Variants in ANO4 observed in about 807,000 individuals in gnomAD.
The protein encoded by ANO4 is anoctamin 4.
A neutral mutation model predicts 141.9 loss-of-function variants in ANO4; 69 were observed. The observed-to-expected ratio is 0.49, with a 90% CI of 0.40 to 0.59. ANO4 has a LOEUF of 0.59. ANO4 is among the 20% of genes least tolerant of loss of function. The pLI is 0.00. For missense variants in ANO4, 894 were observed against 1,162.2 expected, an observed-to-expected ratio of 0.77 and a Z score of 3.36; for synonymous variants, 350 against 394.3, an observed-to-expected ratio of 0.89 and a Z score of 1.33.
At chr12:100,876,278 C>CAAAAAAAAAA (rs79799106) in intron 1 of ANO4, among the ~76,000 whole-genome samples, 1 of 91,954 alleles carries the variant, frequency 1.1e-5, no homozygotes, top group Non-Finnish European at 2.2e-5. Context: ...ATATAAAGAC[C>CAAAAAAAAAA]AAAAAAAAAA....
In ANO4 at chr12:101,037,161, G is replaced by A. The variant is rs1566158704; in HGVS notation, c.897+11G>A. 6.2e-7 allele frequency: 1 copy of A among 1,612,226 alleles called. No homozygotes were observed. The highest frequency in any genetic ancestry group is 1.1e-5 in the South Asian group (1 of 90,782). Reference sequence around the variant, plus strand: ...TTTCCCCTGCATGAGGTATTGTGCTGTCTTTAATCTTTATCTTTCTTTCAA... The same window carrying A: ...TTTCCCCTGCATGAGGTATTGTGCTATCTTTAATCTTTATCTTTCTTTCAA... On this transcript the variant is annotated intron_variant, in intron 10 of 27. Coordinates refer to ENST00000392977, the MANE Select transcript of ANO4 (RefSeq NM_001286615.2).
At chr12:101,007,195 A>C (rs756516130) in intron 8 of ANO4, among the ~76,000 whole-genome samples, 3 of 152,188 alleles carry the variant, frequency 2.0e-5, no homozygotes, top group Non-Finnish European at 4.4e-5. Flanking sequence ...TCTACTAAAA[A>C]TACAAAAATT....
At chr12:100,990,589 G>T (rs1490073536) in intron 8 of ANO4, among the ~76,000 whole-genome samples, 2 of 152,138 alleles carry the variant, frequency 1.3e-5, no homozygotes, top group African/African-American at 4.8e-5. Context: ...CTTCTTGCCA[G>T]GCACTGTCTG....
chr12:101,054,743 G>A (rs181695234), intron 14 of ANO4, among the ~76,000 whole-genome samples: 3 of 152,204 alleles, frequency 2.0e-5, no homozygotes, highest in South Asian at 4.2e-4. Context: ...CTTGTGATCC[G>A]CCCGCCTTGG....
intron 8 of ANO4, among the ~76,000 whole-genome samples, chr12:101,002,660 A>G (rs2045702038): frequency 6.6e-6 from 1 of 152,150 alleles, no homozygotes; most frequent in Non-Finnish European, 1.5e-5. Flanking sequence ...TTCTTTATGA[A>G]ACATCTTATG....
intron 3 of ANO4, among the ~76,000 whole-genome samples, chr12:100,787,461 A>T (rs780985227): frequency 1.3e-5 from 2 of 152,192 alleles, no homozygotes; most frequent in Non-Finnish European, 2.9e-5. Flanking sequence ...GAGAGCAGTC[A>T]TGGGGCTTGT....
At chr12:100,775,059 C>A (rs1379548141) in intron 3 of ANO4, among the ~76,000 whole-genome samples, 1 of 152,170 alleles carries the variant, frequency 6.6e-6, no homozygotes, top group East Asian at 1.9e-4. Context: ...AAGAGATACA[C>A]CATTCAAAGC....
chr12:100,754,272 T>G (rs1356260796), intron 3 of ANO4, among the ~76,000 whole-genome samples: 1 of 152,242 alleles, frequency 6.6e-6, no homozygotes, highest in African/African-American at 2.4e-5. Flanking sequence ...TCTTGCTCAT[T>G]CTACCTCACA....
chr12:100,738,784 A>C (rs2031721979), intron 2 of ANO4, among the ~76,000 whole-genome samples: 1 of 151,874 alleles, frequency 6.6e-6, no homozygotes, highest in South Asian at 2.1e-4. Flanking sequence ...ATCATATCAC[A>C]GTTACCTTTT....
intron 22 of ANO4, among the ~76,000 whole-genome samples, 193 bp downstream of exon 22, chr12:101,099,913 C>T (rs978956878): frequency 4.6e-5 from 7 of 152,158 alleles, no homozygotes; most frequent in East Asian, 3.8e-4. Flanking sequence ...GGAATCAAAC[C>T]GAAGCTATTT....
intron 1 of ANO4, among the ~76,000 whole-genome samples, chr12:100,850,260 C>A (rs1342699941): frequency 1.3e-5 from 2 of 152,126 alleles, no homozygotes; most frequent in Non-Finnish European, 2.9e-5. Flanking sequence ...TAGGAAGTAA[C>A]AGCAAAGTTG....
At position 101,048,288 on chromosome 12, in the gene ANO4, T is replaced by C. The variant is rs572558773; in HGVS notation, c.1252-53T>C. 70 of 1,569,662 alleles carry C rather than the reference T, an allele frequency of 4.5e-5. 1 individual carries two copies. The highest frequency in any genetic ancestry group is 3.0e-4 in the Admixed American group (17 of 57,542). On this transcript the variant is annotated intron_variant, in intron 13 of 27. Coordinates refer to ENST00000392977, the MANE Select transcript of ANO4 (RefSeq NM_001286615.2). Reference sequence around the variant, plus strand: ...TTTACAGAACTTGAAAAAATTTGAATTGGAATATCATATATGAGAAATTAA... The same window carrying C: ...TTTACAGAACTTGAAAAAATTTGAACTGGAATATCATATATGAGAAATTAA...
intron 5 of ANO4, among the ~76,000 whole-genome samples, chr12:100,964,975 G>C (rs745839195): frequency 7.2e-5 from 11 of 152,098 alleles, no homozygotes; most frequent in Non-Finnish European, 1.6e-4. Flanking sequence ...GGTCTGTTTT[G>C]TTCACAGCTG....
At chr12:101,085,219 A>G (rs2049437653) in intron 16 of ANO4, among the ~76,000 whole-genome samples, 1 of 152,166 alleles carries the variant, frequency 6.6e-6, no homozygotes, top group African/African-American at 2.4e-5. Context: ...GCCTTTGATA[A>G]TTAAGTGGGT....
intron 1 of ANO4, among the ~76,000 whole-genome samples, chr12:100,797,162 G>A (rs1358946920): frequency 1.3e-5 from 2 of 151,592 alleles, no homozygotes; most frequent in African/African-American, 2.4e-5. Context: ...ATATACAAGC[G>A]TGTACACAAA....
At chr12:100,792,009 C>T (rs2034063653), upstream of ANO4, among the ~76,000 whole-genome samples, 1 of 151,346 alleles carries the variant, frequency 6.6e-6, no homozygotes, top group Admixed American at 6.6e-5. Context: ...TTAAAAGTCC[C>T]AATTCTCATA....
intron 11 of ANO4, among the ~76,000 whole-genome samples, chr12:101,041,120 A>G (rs1422158522): frequency 1.3e-5 from 2 of 152,168 alleles, no homozygotes; most frequent in Admixed American, 6.5e-5. Flanking sequence ...TGGATTCCTT[A>G]TTAAAGAGAA....
At chr12:101,024,864 A>G (rs559908125) in intron 9 of ANO4, among the ~76,000 whole-genome samples, 95 of 152,364 alleles carry the variant, frequency 6.2e-4, no homozygotes, top group African/African-American at 2.2e-3. Context: ...ATCTTAAAAC[A>G]TATTAATGTG....
At chr12:100,931,169 C>T (rs1053339625) in intron 3 of ANO4, among the ~76,000 whole-genome samples, 1 of 152,084 alleles carries the variant, frequency 6.6e-6, no homozygotes, top group Admixed American at 6.6e-5. Context: ...TGGGCTTGCT[C>T]GTGTCATATA....
Sources: gnomAD v4.1 joint callset for allele counts (sites outside exome capture counted in the v4.1 genomes callset) on GRCh38, gnomAD v4.1.1 for gene constraint, MANE v1.5 for transcripts, NCBI Gene and HGNC (gene_info 2026-07-23, HGNC 2026-07-21) for gene names.